CCM2: variants seen among roughly 807,000 people sequenced by gnomAD.
The protein encoded by CCM2 is cerebral cavernous malformations 2 protein.
In CCM2, 25 loss-of-function variants were observed where a neutral mutation model predicts 44.9. The observed-to-expected ratio is 0.56, with a 90% CI of 0.41 to 0.78. The LOEUF (loss-of-function observed/expected upper bound fraction) is 0.78, where lower values mean the gene tolerates loss of function less well. Ranked by LOEUF, CCM2 falls within the 30% of genes least tolerant of loss-of-function variation. The pLI is 0.00. For missense variants in CCM2, 481 were observed against 580.6 expected (o/e 0.83, Z 1.76); for synonymous variants, 219 against 241.1 (o/e 0.91, Z 0.85).
In CCM2 at chr7:45,029,120, T is replaced by C. The variant is rs374557283; in HGVS notation, c.31-9133T>C. On this transcript the variant is annotated intron_variant, in intron 1 of 9. Transcript: ENST00000258781. ...TTCCTGCTGGGCCCTCATGTGGCTG[T>C]GCAGTTGCGGTTTGTCTGTCTCCCT... Among the ~76,000 whole-genome samples, 9 of 152,300 alleles carry C rather than the reference T, an allele frequency of 5.9e-5. No homozygotes were observed. The East Asian group carries it at 1.5e-3, about 26-fold the overall frequency.
intron 1 of CCM2, among the ~76,000 whole-genome samples, chr7:45,024,378 A>C (rs897238803): frequency 6.6e-6 from 1 of 152,198 alleles, no homozygotes; most frequent in Non-Finnish European, 1.5e-5. Context: ...TTTTATCGTC[A>C]AGAACTTCTA....
At chr7:45,018,273 G>A (rs1393706067) in intron 1 of CCM2, among the ~76,000 whole-genome samples, 1 of 152,190 alleles carries the variant, frequency 6.6e-6, no homozygotes, top group Admixed American at 6.5e-5. Context: ...ACCCAGACCA[G>A]TCTGTGGCCT....
At chr7:45,026,984 A>G (rs1204254989) in intron 1 of CCM2, 2 of 154,698 alleles carry the variant, frequency 1.3e-5, no homozygotes, top group African/African-American at 4.8e-5. Context: ...TTCACCAGCA[A>G]CAGATCCAAC....
At chr7:45,023,823 T>G (rs1174808215) in intron 1 of CCM2, among the ~76,000 whole-genome samples, 2 of 144,628 alleles carry the variant, frequency 1.4e-5, no homozygotes, top group Non-Finnish European at 3.0e-5. Context: ...TTTTTTTTTT[T>G]TTATGAGACA....
intron 4 of CCM2, 131 bp from the exon 5 acceptor site, chr7:45,068,312 G>C (rs1303345387): frequency 8.6e-7 from 1 of 1,166,372 alleles, no homozygotes; most frequent in Non-Finnish European, 1.3e-6. Flanking sequence ...CTTCACCTGA[G>C]TCGTTCTGTG....
chr7:45,016,869 G>A (rs1018584806), intron 1 of CCM2, among the ~76,000 whole-genome samples: 2 of 152,194 alleles, frequency 1.3e-5, no homozygotes, highest in African/African-American at 2.4e-5. Context: ...CTGGCCTCAA[G>A]TGATCTGACT....
At chr7:45,027,187 A>G (rs567578519) in intron 1 of CCM2, 1 of 238,438 alleles carries the variant, frequency 4.2e-6, no homozygotes, top group African/African-American at 2.3e-5. Flanking sequence ...ATCTCTGTAA[A>G]GATCTTGCTG....
chr7:45,007,199 T>C (rs1259824921), intron 1 of CCM2, among the ~76,000 whole-genome samples: 1 of 152,090 alleles, frequency 6.6e-6, no homozygotes, highest in African/African-American at 2.4e-5. Context: ...CTCTTTGTGG[T>C]TGGGAGAACA....
At chr7:45,031,934 T>C (rs1796988480) in intron 1 of CCM2, among the ~76,000 whole-genome samples, 1 of 152,112 alleles carries the variant, frequency 6.6e-6, no homozygotes, top group African/African-American at 2.4e-5. Context: ...GGCTTCTTGT[T>C]CAGTTTTGTA....
chr7:45,007,871 AAAAG>A (rs1358287024), intron 1 of CCM2, among the ~76,000 whole-genome samples: 4 of 152,200 alleles, frequency 2.6e-5, no homozygotes, highest in African/African-American at 7.2e-5. Flanking sequence ...TTGGAGAAAA[AAAAG>A]AGAGAAGCCT....
At chr7:45,058,754 G>GC (rs1798385070) in intron 2 of CCM2, among the ~76,000 whole-genome samples, 1 of 151,858 alleles carries the variant, frequency 6.6e-6, no homozygotes, top group Non-Finnish European at 1.5e-5. Context: ...TTTTTCTTTA[G>GC]CCAGTTGATG....
In CCM2 at chr7:45,075,979, T is replaced by C. The variant is rs1050782162; in HGVS notation, c.1257T>C (p.Asp419=). The change falls in exon 10 of 10, where the codon GAT becomes GAC. Residue 419 remains aspartate (D), a synonymous_variant. Coordinates refer to ENST00000258781, the MANE Select transcript of CCM2 (RefSeq NM_031443.4). ...SDDRSAPSEG[D]EWDRMISDIS... ...ACCGGTCGGCACCCTCAGAGGGGGA[T>C]GAGTGGGACCGCATGATCTCGGACA... 5 of 1,612,972 alleles carry C rather than the reference T, an allele frequency of 3.1e-6. No homozygotes were observed. Among genetic ancestry groups the C allele is most frequent in the Non-Finnish European group, 4.2e-6 (5 of 1,179,986 alleles).
rs139704328 is a variant in CCM2 at position 45,029,108 on chromosome 7, C to T, written c.31-9145C>T. ...CATTTTCCCTCATTCCTGCTGGGCC[C>T]TCATGTGGCTGTGCAGTTGCGGTTT... On this transcript the variant is annotated intron_variant, in intron 1 of 9. Coordinates refer to ENST00000258781, the MANE Select transcript of CCM2 (RefSeq NM_031443.4). 2.0e-5 allele frequency among the ~76,000 whole-genome samples: 3 copies of T among 152,278 alleles called. No individual in the cohort carries two copies. In the East Asian group the frequency reaches 5.8e-4, roughly 29 times the overall value.
chr7:45,057,796 A>G (rs1798334729), intron 2 of CCM2, among the ~76,000 whole-genome samples: 1 of 152,210 alleles, frequency 6.6e-6, no homozygotes, highest in Non-Finnish European at 1.5e-5. Flanking sequence ...GGGGAAGCCA[A>G]TACATACTTT....
chr7:45,068,852 C>A (rs1362720665), intron 5 of CCM2, among the ~76,000 whole-genome samples: 2 of 152,244 alleles, frequency 1.3e-5, no homozygotes, highest in Non-Finnish European at 2.9e-5. Flanking sequence ...CCCAGGCTCC[C>A]CACCGGTTCC....
Position 45,049,965 on chromosome 7 carries a change from G to A in CCM2, c.204+11539G>A, listed in dbSNP as rs148820500. ...CATTGTATTAGGTATAAGTAATCTA[G>A]AGATAATTTGAAGTACAGTCTTGGC... On this transcript the variant is annotated intron_variant, in intron 2 of 9. Transcript: ENST00000258781. Among the ~76,000 whole-genome samples, 814 of 152,344 alleles carry A rather than the reference G, an allele frequency of 5.3e-3. 2 individuals carry two copies. The highest frequency in any genetic ancestry group is 9.2e-3 in the Non-Finnish European group (623 of 68,028).
chr7:45,056,715 T>G (rs1798280400), intron 2 of CCM2, among the ~76,000 whole-genome samples: 1 of 152,368 alleles, frequency 6.6e-6, no homozygotes, highest in East Asian at 1.9e-4. Flanking sequence ...TTATATATTT[T>G]AGATATTAAT....
At chr7:45,038,127 C>A in intron 1 of CCM2, 126 bp from the exon 2 acceptor site, 2 of 1,111,202 alleles carry the variant, frequency 1.8e-6, no homozygotes, top group South Asian at 1.3e-5. Context: ...ACCAGTCTGG[C>A]AGTCAGTGAT....
chr7:45,074,560 TC>T, intron 9 of CCM2, 152 bp downstream of exon 9: 1 of 731,716 alleles, frequency 1.4e-6, no homozygotes. Flanking sequence ...GAGAGCAGAG[TC>T]CAGAGATCGG....
Sources: gnomAD v4.1 joint callset for allele counts (sites outside exome capture counted in the v4.1 genomes callset) on GRCh38, gnomAD v4.1.1 for gene constraint, MANE v1.5 for transcripts, NCBI Gene and HGNC (gene_info 2026-07-23, HGNC 2026-07-21) for gene names.